Variants in IGF2BP2 observed in about 807,000 individuals in gnomAD.
IGF2BP2 encodes the protein insulin like growth factor 2 mRNA binding protein 2.
In IGF2BP2, 17 loss-of-function variants were observed where a neutral mutation model predicts 75.8. The observed-to-expected ratio is 0.22, with a 90% CI of 0.15 to 0.34. The LOEUF is 0.34. Ranked by LOEUF, IGF2BP2 falls within the 10% of genes least tolerant of loss-of-function variation. The pLI, the probability that IGF2BP2 is intolerant of heterozygous loss-of-function variation, is 1.00. For missense variants in IGF2BP2, 516 were observed against 772.4 expected, an observed-to-expected ratio of 0.67 and a Z score of 3.93; for synonymous variants, 288 against 295.6, an observed-to-expected ratio of 0.97 and a Z score of 0.26.
At chr3:185,804,416 G>A (rs1738711519) in intron 2 of IGF2BP2, among the ~76,000 whole-genome samples, 1 of 149,542 alleles carries the variant, frequency 6.7e-6, no homozygotes, top group Non-Finnish European at 1.5e-5. Flanking sequence ...TAGGCGACAA[G>A]AGCGAGACTT....
intron 2 of IGF2BP2, among the ~76,000 whole-genome samples, chr3:185,774,298 T>A (rs1179786783): frequency 6.6e-6 from 1 of 151,958 alleles, no homozygotes; most frequent in Non-Finnish European, 1.5e-5. Context: ...AATCACGGAC[T>A]AAGAAAGTAA....
chr3:185,646,287 G>A (rs551882660), intron 15 of IGF2BP2, among the ~76,000 whole-genome samples: 57 of 152,242 alleles, frequency 3.7e-4, no homozygotes, highest in African/African-American at 1.3e-3. Context: ...TGTGTGGGTG[G>A]CGGGGGATCC....
intron 4 of IGF2BP2, among the ~76,000 whole-genome samples, chr3:185,695,805 T>G (rs1722502975): frequency 6.6e-6 from 1 of 152,212 alleles, no homozygotes; most frequent in Admixed American, 6.5e-5. Context: ...TGTTTGTTTG[T>G]TTTGAGACAA....
intron 7 of IGF2BP2, among the ~76,000 whole-genome samples, chr3:185,686,791 G>A (rs546628903): frequency 3.3e-5 from 5 of 152,100 alleles, no homozygotes; most frequent in South Asian, 2.1e-4. Context: ...GAGTCTGTAT[G>A]TTCCTCCCAA....
chr3:185,740,609 T>C (rs1232569584), intron 2 of IGF2BP2, among the ~76,000 whole-genome samples: 1 of 152,226 alleles, frequency 6.6e-6, no homozygotes, highest in Non-Finnish European at 1.5e-5. Context: ...AAGGTCAAAC[T>C]AACCTATTTT....
At chr3:185,670,181 C>A (rs147666541) in intron 10 of IGF2BP2, among the ~76,000 whole-genome samples, 1 of 152,184 alleles carries the variant, frequency 6.6e-6, no homozygotes, top group African/African-American at 2.4e-5. Context: ...ACAGGAAACA[C>A]ATATTTTAGC....
At chr3:185,823,492 A>G (rs764882355) in intron 1 of IGF2BP2, among the ~76,000 whole-genome samples, 17 of 152,044 alleles carry the variant, frequency 1.1e-4, no homozygotes, top group Non-Finnish European at 2.5e-4. Context: ...GAGCGGCGCC[A>G]ATTTGAAAGG....
intron 2 of IGF2BP2, among the ~76,000 whole-genome samples, chr3:185,774,998 C>T (rs1164421201): frequency 6.7e-6 from 1 of 150,200 alleles, no homozygotes; most frequent in Non-Finnish European, 1.5e-5. Flanking sequence ...CCAGCCTGGG[C>T]AACAGAGTCA....
At chr3:185,817,605 A>G (rs1740778952) in intron 2 of IGF2BP2, among the ~76,000 whole-genome samples, 1 of 152,200 alleles carries the variant, frequency 6.6e-6, no homozygotes, top group Admixed American at 6.5e-5. Context: ...TAGAACCCAT[A>G]GAGTCCATGC....
intron 2 of IGF2BP2, among the ~76,000 whole-genome samples, chr3:185,812,733 C>T (rs575025215): frequency 1.3e-5 from 2 of 152,164 alleles, no homozygotes; most frequent in Admixed American, 6.5e-5. Context: ...CAGTTGTCTT[C>T]GTATTGGGCA....
intron 2 of IGF2BP2, among the ~76,000 whole-genome samples, chr3:185,761,718 C>A (rs1301132156): frequency 1.3e-5 from 2 of 152,184 alleles, no homozygotes; most frequent in Non-Finnish European, 2.9e-5. Context: ...AATCTGGACC[C>A]AAGCTTTGTT....
intron 2 of IGF2BP2, among the ~76,000 whole-genome samples, chr3:185,822,927 C>T (rs916832637): frequency 7.9e-5 from 12 of 151,724 alleles, no homozygotes; most frequent in Admixed American, 6.6e-4. Context: ...GTGTTCGCCA[C>T]CCCGACCCCC....
intron 2 of IGF2BP2, chr3:185,712,607 C>A (rs1293899812): frequency 1.3e-5 from 2 of 152,004 alleles, no homozygotes; most frequent in African/African-American, 4.8e-5. Flanking sequence ...AAGATTCTTT[C>A]TAAATCTATG....
At chr3:185,822,003 TAA>T (rs150655061) in intron 2 of IGF2BP2, among the ~76,000 whole-genome samples, 7 of 148,624 alleles carry the variant, frequency 4.7e-5, no homozygotes, top group Admixed American at 3.4e-4. Flanking sequence ...TTTTTTAAAT[TAA>T]AAAAAAAACA....
At position 185,645,503 on chromosome 3, in the gene IGF2BP2, C is replaced by T. The variant is rs534998827; in HGVS notation, c.*28G>A. The T allele has an allele frequency of 9.3e-6, 14 of 1,505,464 alleles. No homozygotes were observed. Among genetic ancestry groups the T allele is most frequent in the East Asian group, 2.3e-5 (1 of 44,360 alleles). 93.3% of individuals were successfully genotyped at this position (1,505,464 alleles called of 1,614,324 possible). A position where few individuals can be genotyped will look rare whatever the true frequency, so the allele number is the denominator to read the frequency against. ...AGGTGTTGGAAGGGCTACATTCATCCGTTGTTTTGCTGGTGCCTGTGGGAG... is the reference window on the plus strand; with the variant it reads ...AGGTGTTGGAAGGGCTACATTCATCTGTTGTTTTGCTGGTGCCTGTGGGAG... On this transcript the variant is annotated 3_prime_UTR_variant, in exon 16 of 16. Coordinates refer to ENST00000382199, the MANE Select transcript of IGF2BP2 (RefSeq NM_006548.6). This position sits in a 1 kb window ranked among gnomAD's most constrained non-coding sequence, Gnocchi z 4.9.
At chr3:185,774,199 C>T (rs577911220) in intron 2 of IGF2BP2, among the ~76,000 whole-genome samples, 1 of 152,224 alleles carries the variant, frequency 6.6e-6, no homozygotes, top group Non-Finnish European at 1.5e-5. Context: ...CACAAGCAAG[C>T]AGGAGGGAGA....
chr3:185,806,530 A>G (rs1222324566), intron 2 of IGF2BP2, among the ~76,000 whole-genome samples: 1 of 152,226 alleles, frequency 6.6e-6, no homozygotes, highest in Non-Finnish European at 1.5e-5. Flanking sequence ...AAAAGGTTAC[A>G]TGGGCTATGG....
chr3:185,740,712 C>G (rs1254902177), intron 2 of IGF2BP2, among the ~76,000 whole-genome samples: 1 of 152,184 alleles, frequency 6.6e-6, no homozygotes, highest in Non-Finnish European at 1.5e-5. Flanking sequence ...GTGTCTTACT[C>G]ATAGCCATAT....
intron 10 of IGF2BP2, among the ~76,000 whole-genome samples, chr3:185,665,272 GAGAAGGAGAAGAAGAAGA>G (rs1717172516): frequency 2.2e-5 from 3 of 134,872 alleles, no homozygotes; most frequent in African/African-American, 5.6e-5. Flanking sequence ...GGAGGAGGAG[GAGAAGGAGAAGAAGAAGA>G]AGGAGGAGAA....
Sources: gnomAD v4.1 joint callset for allele counts (sites outside exome capture counted in the v4.1 genomes callset) on GRCh38, gnomAD v4.1.1 for gene constraint, Gnocchi (gnomAD v3.1) non-coding constraint, MANE v1.5 for transcripts, NCBI Gene and HGNC (gene_info 2026-07-23, HGNC 2026-07-21) for gene names.